The following TFIP11 variants were observed in gnomAD, a reference collection of about 807,000 sequenced individuals.
The protein encoded by TFIP11 is tuftelin-interacting protein 11.
TFIP11 carries 86 observed loss-of-function variants against 96.8 expected under a neutral mutation model. The observed-to-expected ratio is 0.89, with a 90% CI of 0.75 to 1.06. TFIP11 has a LOEUF of 1.06. Among genes scored for constraint, TFIP11 ranks in the 50% least tolerant of loss-of-function variants. The probability of loss-of-function intolerance (pLI) is 0.00; values close to 1 mark genes in which losing one functional copy is unlikely to be tolerated. For missense variants in TFIP11, 881 were observed against 1,076.7 expected (o/e 0.82, Z 2.54); for synonymous variants, 405 against 395.2 (o/e 1.02, Z -0.29).
At position 26,499,385 on chromosome 22, in the gene TFIP11, C is replaced by T. The variant is rs1367269836; in HGVS notation, c.1048G>A (p.Val350Ile). 6.2e-7 allele frequency: 1 copy of T among 1,613,954 alleles called. No homozygotes were observed. The highest frequency in any genetic ancestry group is 8.5e-7 in the Non-Finnish European group (1 of 1,179,964). Reference sequence around the variant, plus strand: ...TTCTCCAGCTCGTGGAAGAGGTTGACCACCATGTCCCGCTCATACTGTAGC... The same window carrying T: ...TTCTCCAGCTCGTGGAAGAGGTTGATCACCATGTCCCGCTCATACTGTAGC... Reference protein sequence around the residue: ...RQLQYERDMVVNLFHELEKMT... With the variant: ...RQLQYERDMVINLFHELEKMT... The change falls in exon 9 of 15, where the codon GTC becomes ATC. Residue 350 changes from valine (V) to isoleucine (I), a missense_variant. Transcript: ENST00000407690.
At position 26,491,440 on chromosome 22, in the gene TFIP11, T is replaced by A; in HGVS notation, c.*573A>T. 1 of 1,588,882 alleles carries A rather than the reference T, an allele frequency of 6.3e-7. No individual in the cohort carries two copies. Among genetic ancestry groups the A allele is most frequent in the Non-Finnish European group, 8.6e-7 (1 of 1,162,118 alleles). On this transcript the variant is annotated 3_prime_UTR_variant, in exon 15 of 15. Transcript: ENST00000407690. ...GATTACTGTGACTATCTGAAGTTTT[T>A]ATACTTGAATTTTTCTGCTCAGATT...
At chr22:26,505,733 T>TATTTATTC (rs1923326892) in intron 6 of TFIP11, among the ~76,000 whole-genome samples, 1 of 116,500 alleles carries the variant, frequency 8.6e-6, no homozygotes, top group South Asian at 2.9e-4. Flanking sequence ...TTTATTTATT[T>TATTTATTC]ATTCAGGGAT....
Position 26,496,928 on chromosome 22 carries a change from C to T in TFIP11, c.1437-39G>A, listed in dbSNP as rs774276685. 5 of 1,606,990 alleles carry T rather than the reference C, an allele frequency of 3.1e-6. No homozygotes were observed. The African/African-American group carries it at 6.7e-5, about 21-fold the overall frequency. On this transcript the variant is annotated intron_variant, in intron 10 of 14. Transcript: ENST00000407690. ...GCAGAGGACAGGCTGGTTAATTACACTGACTGGTTTCAAAGTACACCACCA... is the reference window on the plus strand; with the variant it reads ...GCAGAGGACAGGCTGGTTAATTACATTGACTGGTTTCAAAGTACACCACCA...
Position 26,501,127 on chromosome 22 carries a change from C to T in TFIP11, c.801+773G>A, listed in dbSNP as rs145035050. On this transcript the variant is annotated intron_variant, in intron 8 of 14. Coordinates refer to ENST00000407690, the MANE Select transcript of TFIP11 (RefSeq NM_012143.4). ...CGATCTCCTGACCTTGTGATCTGCC[C>T]GCCTAGGCCTCCCAAAGTGCTGGGA... 1.8e-3 allele frequency among the ~76,000 whole-genome samples: 277 copies of T among 152,086 alleles called. 1 individual carries two copies. The highest frequency in any genetic ancestry group is 6.8e-3 in the Middle Eastern group (2 of 294).
At chr22:26,508,066 CCACTGCACACTCCAGCTTGG>C (rs1162249863) in intron 4 of TFIP11, among the ~76,000 whole-genome samples, 5 of 152,104 alleles carry the variant, frequency 3.3e-5, no homozygotes, top group African/African-American at 1.2e-4. Flanking sequence ...TAAGGTCACG[CCACTGCACACTCCAGCTTGG>C]GTAATAGAGA....
chr22:26,498,625 C>T, intron 10 of TFIP11: 1 of 422,716 alleles, frequency 2.4e-6, no homozygotes, highest in Non-Finnish European at 4.3e-6. Flanking sequence ...TCACAAATCA[C>T]CACTAAAGAA....
At chr22:26,506,247 C>G (rs1923389994) in intron 6 of TFIP11, 56 bp downstream of exon 6, 1 of 1,505,238 alleles carries the variant, frequency 6.6e-7, no homozygotes, top group Non-Finnish European at 8.9e-7. Flanking sequence ...CCCAACGCCC[C>G]TCTCCTTCCC....
chr22:26,508,875 ACT>A (rs1481988875), intron 4 of TFIP11, among the ~76,000 whole-genome samples: 2 of 151,358 alleles, frequency 1.3e-5, no homozygotes, highest in African/African-American at 4.9e-5. Context: ...AAAAAGGCAC[ACT>A]CTCAATAGGA....
chr22:26,499,729 G>T (rs1422497996), intron 8 of TFIP11, 98 bp from the exon 9 acceptor site: 3 of 1,265,876 alleles, frequency 2.4e-6, no homozygotes, highest in African/African-American at 1.5e-5. Flanking sequence ...GAAGTGTGTA[G>T]AAACCACATT....
At chr22:26,497,268 C>T (rs1047212341) in intron 10 of TFIP11, among the ~76,000 whole-genome samples, 7 of 152,184 alleles carry the variant, frequency 4.6e-5, no homozygotes, top group African/African-American at 1.4e-4. Context: ...TGCCAACCCC[C>T]GTTCCAAGTA....
chr22:26,510,788 A>T (rs1161631958), intron 2 of TFIP11, 86 bp from the exon 3 acceptor site: 1 of 155,724 alleles, frequency 6.4e-6, no homozygotes, highest in Non-Finnish European at 1.4e-5. Flanking sequence ...ACAAAACATG[A>T]ATTTCTTCTG....
At chr22:26,494,724 A>C in intron 13 of TFIP11, 73 bp downstream of exon 13, 1 of 1,592,328 alleles carries the variant, frequency 6.3e-7, no homozygotes, top group Non-Finnish European at 8.6e-7. Context: ...ACCTACAGTC[A>C]GGCCTTGGCA....
chr22:26,503,303 T>C (rs1263861582), intron 7 of TFIP11, among the ~76,000 whole-genome samples: 1 of 152,226 alleles, frequency 6.6e-6, no homozygotes, highest in Non-Finnish European at 1.5e-5. Flanking sequence ...CAGTGTCCTC[T>C]GGCTTGTCAG....
Position 26,505,220 on chromosome 22 carries a change from T to A in TFIP11, c.520+1083A>T, listed in dbSNP as rs971039697. ...GTTCCTGTAGGAAGAATCCAACTGT[T>A]TGGTTTGAGAGGCTTTGGTCTCAAG... is the stretch of plus-strand genomic sequence containing the variant. On this transcript the variant is annotated intron_variant, in intron 6 of 14. Transcript: ENST00000407690. Among the ~76,000 whole-genome samples the A allele has an allele frequency of 5.3e-5, 8 of 150,810 alleles. No homozygotes were observed. In the Admixed American group the frequency reaches 5.3e-4, roughly 10 times the overall value.
Position 26,491,704 on chromosome 22 carries a change from G to C in TFIP11, c.*309C>G. Reference sequence around the variant, plus strand: ...TGTGAGGTACTCAGTGTTGGCTGAGGTAGAAGCTGCCACCAGAGACTAAAG... The same window carrying C: ...TGTGAGGTACTCAGTGTTGGCTGAGCTAGAAGCTGCCACCAGAGACTAAAG... On this transcript the variant is annotated 3_prime_UTR_variant, in exon 15 of 15. Coordinates refer to ENST00000407690, the MANE Select transcript of TFIP11 (RefSeq NM_012143.4). 6.3e-7 allele frequency: 1 copy of C among 1,581,388 alleles called. No homozygotes were observed.
chr22:26,507,466 A>C (rs2147146980), intron 4 of TFIP11, among the ~76,000 whole-genome samples: 1 of 152,196 alleles, frequency 6.6e-6, no homozygotes, highest in South Asian at 2.1e-4. Flanking sequence ...TCTATAAAAA[A>C]AAAATAAATA....
chr22:26,501,845 C>A, intron 8 of TFIP11, 55 bp downstream of exon 8: 1 of 1,197,976 alleles, frequency 8.3e-7, no homozygotes, highest in Non-Finnish European at 1.1e-6. Flanking sequence ...CGAACATGTT[C>A]AGTGATTATT....
At chr22:26,497,556 A>G (rs1309664632) in intron 10 of TFIP11, among the ~76,000 whole-genome samples, 1 of 152,214 alleles carries the variant, frequency 6.6e-6, no homozygotes, top group Non-Finnish European at 1.5e-5. Flanking sequence ...TGATCCAGCA[A>G]TCCCACTACT....
intron 6 of TFIP11, among the ~76,000 whole-genome samples, chr22:26,505,033 T>C (rs1401821673): frequency 6.6e-6 from 1 of 152,154 alleles, no homozygotes; most frequent in Non-Finnish European, 1.5e-5. Context: ...GTTGAGATCG[T>C]GCCACTGCAC....
Sources: allele counts gnomAD v4.1 joint callset (sites outside exome capture counted in the v4.1 genomes callset), GRCh38; gene constraint gnomAD v4.1.1; transcripts MANE v1.5; gene names NCBI Gene and HGNC (gene_info 2026-07-23, HGNC 2026-07-21).